CCL17: variants seen among roughly 807,000 people sequenced by gnomAD.
CCL17 encodes the protein C-C motif chemokine ligand 17.
CCL17 carries 8 observed loss-of-function variants against 7.4 expected under a neutral mutation model. The ratio of observed to expected loss-of-function variants is 1.09; its 90% CI spans 0.64 to 1.96. CCL17 has a LOEUF of 1.96. CCL17 is among the 30% of genes most tolerant of loss of function. The pLI is 0.00. For synonymous variants in CCL17, 40 were observed against 46.1 expected, an observed-to-expected ratio of 0.87 and a Z score of 0.54; for missense variants, 102 against 113.0, an observed-to-expected ratio of 0.90 and a Z score of 0.44.
At chr16:57,410,300 G>T (rs1483791792) in intron 1 of CCL17, among the ~76,000 whole-genome samples, 1 of 152,200 alleles carries the variant, frequency 6.6e-6, no homozygotes, top group East Asian at 1.9e-4. Flanking sequence ...GTTGGGTGTT[G>T]CAGCAGCCCC....
Position 57,413,878 on chromosome 16 carries a change from T to C in CCL17, c.-55T>C. On this transcript the variant is annotated 5_prime_UTR_variant, in exon 2 of 4. Transcript: ENST00000219244. ...GCCACCCTCGACTCTCAGCAGGGTG[T>C]CTCCCTGAGCAGAGGGACCTGCACA... 1.3e-6 allele frequency: 2 copies of C among 1,500,980 alleles called. No individual in the cohort carries two copies. The highest frequency in any genetic ancestry group is 2.4e-5 in the East Asian group (1 of 41,680). The allele number at this position is 1,500,980 out of a possible 1,614,324, so 93.0% of individuals were successfully genotyped here.
upstream of CCL17, among the ~76,000 whole-genome samples, chr16:57,403,516 T>A (rs1598009055): frequency 3.7e-5 from 1 of 27,208 alleles, no homozygotes; most frequent in South Asian, 1.0e-3. Flanking sequence ...ATATATTATA[T>A]TATATATATG....
In CCL17 at chr16:57,415,326, G is replaced by T; in HGVS notation, c.188+128G>T. On this transcript the variant is annotated intron_variant, in intron 3 of 3. Coordinates refer to ENST00000219244, the MANE Select transcript of CCL17 (RefSeq NM_002987.3). This position sits in a 1 kb window ranked among gnomAD's most constrained non-coding sequence, Gnocchi z 4.5. ...GGGGCCTTCCTCCCCAACCCCTGCA[G>T]GCTCCCCACACTGTGGGACCCAAAA... 1 of 693,244 alleles carries T rather than the reference G, an allele frequency of 1.4e-6. No individual in the cohort carries two copies. The highest frequency in any genetic ancestry group is 2.6e-6 in the Non-Finnish European group (1 of 383,648). 42.9% of individuals were successfully genotyped at this position (693,244 alleles called of 1,614,324 possible). A position where few individuals can be genotyped will look rare whatever the true frequency, so the allele number is the denominator to read the frequency against.
intron 2 of CCL17, 49 bp downstream of exon 2, chr16:57,414,051 G>T (rs1372662250): frequency 1.3e-6 from 2 of 1,513,800 alleles, no homozygotes; most frequent in Non-Finnish European, 1.8e-6. Context: ...GAGGACAGGG[G>T]TTGGGGGCAT....
chr16:57,404,079 G>A (rs1902660300), upstream of CCL17, among the ~76,000 whole-genome samples: 1 of 152,170 alleles, frequency 6.6e-6, no homozygotes, highest in Admixed American at 6.5e-5. Context: ...GTTGGTTTGA[G>A]GCATAGGGAG....
chr16:57,406,983 A>G lies in CCL17; in HGVS notation c.-60+2147A>G, dbSNP rs573081163. Among the ~76,000 whole-genome samples, 32 of 152,248 alleles carry G rather than the reference A, an allele frequency of 2.1e-4. 1 individual carries two copies. Among genetic ancestry groups the G allele is most frequent in the Admixed American group, 2.0e-3 (31 of 15,284 alleles). Reference sequence around the variant, plus strand: ...TCAGTGAGAGCACCTTTCCTAGAGCATCAGAGCTGGAAGCCACATTGCTGA... The same window carrying G: ...TCAGTGAGAGCACCTTTCCTAGAGCGTCAGAGCTGGAAGCCACATTGCTGA... On this transcript the variant is annotated intron_variant, in intron 1 of 3. Coordinates refer to ENST00000219244, the MANE Select transcript of CCL17 (RefSeq NM_002987.3).
At chr16:57,404,892 G>T (rs985043475) in intron 1 of CCL17, 56 bp downstream of exon 1, 1 of 154,268 alleles carries the variant, frequency 6.5e-6, no homozygotes, top group East Asian at 1.9e-4. Flanking sequence ...TGACCCCCTC[G>T]CTGGATCTTT....
At chr16:57,412,077 G>T (rs1177740227) in intron 1 of CCL17, among the ~76,000 whole-genome samples, 2 of 152,258 alleles carry the variant, frequency 1.3e-5, no homozygotes, top group Admixed American at 6.5e-5. Flanking sequence ...AGAAGCAGAG[G>T]AATGTTGGTG....
Position 57,415,311 on chromosome 16 carries a change from T to TC in CCL17, c.188+117dup. 2.7e-6 allele frequency: 2 copies of TC among 744,716 alleles called. No individual in the cohort carries two copies. The highest frequency in any genetic ancestry group is 4.8e-6 in the Non-Finnish European group (2 of 416,324). The allele number at this position is 744,716 out of a possible 1,614,324, so 46.1% of individuals were successfully genotyped here. ...CAGGGAAGAGACAGCGGGGCCTTCC[T>TC]CCCCAACCCCTGCAGGCTCCCCACA... is the stretch of plus-strand genomic sequence containing the variant. On this transcript the variant is annotated intron_variant, in intron 3 of 3. Coordinates refer to ENST00000219244, the MANE Select transcript of CCL17 (RefSeq NM_002987.3). This position sits in a 1 kb window ranked among gnomAD's most constrained non-coding sequence, Gnocchi z 4.5.
intron 1 of CCL17, among the ~76,000 whole-genome samples, chr16:57,406,067 A>C (rs998150573): frequency 6.6e-6 from 1 of 151,242 alleles, no homozygotes; most frequent in African/African-American, 2.4e-5. Flanking sequence ...GTCTTTATCC[A>C]GAGGTAAAAG....
rs1277036253 is a variant in CCL17 at position 57,414,001 on chromosome 16, A to T, written c.69A>T (p.Ala23=). The change falls in exon 2 of 4, where the codon GCA becomes GCT. Residue 23 remains alanine, a splice_region_variant and synonymous_variant. Coordinates refer to ENST00000219244, the MANE Select transcript of CCL17 (RefSeq NM_002987.3). ...LLGASLQHIH[A]ARGTNVGREC... Reference sequence around the variant, plus strand: ...GGGCTTCTCTGCAGCACATCCACGCAGGTGAGAGCAGGGGACAGGTGGCCA... The same window carrying T: ...GGGCTTCTCTGCAGCACATCCACGCTGGTGAGAGCAGGGGACAGGTGGCCA... 6.2e-7 allele frequency: 1 copy of T among 1,610,624 alleles called. No homozygotes were observed. Among genetic ancestry groups the T allele is most frequent in the Non-Finnish European group, 8.5e-7 (1 of 1,178,562 alleles).
Position 57,413,855 on chromosome 16 carries a change from C to A in CCL17, c.-59-19C>A. 1 of 1,324,526 alleles carries A rather than the reference C, an allele frequency of 7.5e-7. No homozygotes were observed. The highest frequency in any genetic ancestry group is 1.0e-6 in the Non-Finnish European group (1 of 955,728). The allele number at this position is 1,324,526 out of a possible 1,614,324, so 82.0% of individuals were successfully genotyped here. On this transcript the variant is annotated intron_variant, in intron 1 of 3. Transcript: ENST00000219244. ...CCAAAGAGGTTAAATAGGTCACTGCCACCCTCGACTCTCAGCAGGGTGTCT... is the reference window on the plus strand; with the variant it reads ...CCAAAGAGGTTAAATAGGTCACTGCAACCCTCGACTCTCAGCAGGGTGTCT...
chr16:57,412,959 C>T (rs1366013074), intron 1 of CCL17, among the ~76,000 whole-genome samples: 1 of 152,166 alleles, frequency 6.6e-6, no homozygotes, highest in East Asian at 1.9e-4. Flanking sequence ...TATTCCTGCC[C>T]CCACTGGAAA....
intron 1 of CCL17, among the ~76,000 whole-genome samples, chr16:57,412,924 A>T (rs1304889425): frequency 6.6e-6 from 1 of 152,138 alleles, no homozygotes; most frequent in Non-Finnish European, 1.5e-5. Context: ...CAACTTTATC[A>T]ACCTCATTAT....
upstream of CCL17, among the ~76,000 whole-genome samples, chr16:57,401,691 G>C (rs1447497987): frequency 6.6e-6 from 1 of 152,162 alleles, no homozygotes; most frequent in African/African-American, 2.4e-5. Flanking sequence ...AGGAAAGCGG[G>C]GCTCAGTGAC....
upstream of CCL17, among the ~76,000 whole-genome samples, chr16:57,403,157 A>T (rs1355010416): frequency 1.6e-4 from 14 of 86,308 alleles, no homozygotes; most frequent in South Asian, 6.9e-4. Context: ...TAATATATAT[A>T]ATATATATTA....
chr16:57,399,692 T>A, the CCL17 span, among the ~76,000 whole-genome samples: 1 of 152,194 alleles, frequency 6.6e-6, no homozygotes, highest in African/African-American at 2.4e-5. Context: ...TCAGGTGATC[T>A]GCCCCCTTGG....
the CCL17 span, among the ~76,000 whole-genome samples, chr16:57,396,913 T>C: frequency 6.6e-6 from 1 of 152,172 alleles, no homozygotes; most frequent in African/African-American, 2.4e-5. Flanking sequence ...GCTTGTGTAA[T>C]AGGTTAGGTT....
chr16:57,397,538 G>A, the CCL17 span, among the ~76,000 whole-genome samples: 37 of 152,272 alleles, frequency 2.4e-4, no homozygotes, highest in Admixed American at 5.9e-4. Flanking sequence ...TCTGCCTGAC[G>A]GTTTCCTTCT....
Sources: allele counts gnomAD v4.1 joint callset (sites outside exome capture counted in the v4.1 genomes callset), GRCh38; gene constraint gnomAD v4.1.1; non-coding constraint Gnocchi (gnomAD v3.1); transcripts MANE v1.5; gene names NCBI Gene and HGNC (gene_info 2026-07-23, HGNC 2026-07-21).